Variants in PPP1R21 observed in about 807,000 individuals in gnomAD.
PPP1R21 encodes protein phosphatase 1 regulatory subunit 21.
PPP1R21 carries 85 observed loss-of-function variants against 112.8 expected under a neutral mutation model. The observed-to-expected ratio is 0.75, with a 90% confidence interval of 0.63 to 0.90. PPP1R21 has a LOEUF of 0.90. Ranked by LOEUF, PPP1R21 falls within the 40% of genes least tolerant of loss-of-function variation. The pLI is 0.00. For missense variants in PPP1R21, 1,199 were observed against 901.5 expected, an observed-to-expected ratio of 1.33 and a Z score of -4.23; for synonymous variants, 381 against 322.3, an observed-to-expected ratio of 1.18 and a Z score of -1.95.
Position 48,479,960 on chromosome 2 carries a change from G to A in PPP1R21, c.1262G>A (p.Ser421Asn). ...GATGGACTCCTTCGGACAAACTACA[G>A]TTCTGTGTTAACAAATGTTGGTGCT... Reference protein sequence around the residue: ...EPDGLLRTNYSSVLTNVGAAL... With the variant: ...EPDGLLRTNYNSVLTNVGAAL... The change falls in exon 13 of 22, where the codon AGT becomes AAT. Residue 421 changes from serine (S) to asparagine (N), a missense_variant. By Grantham distance (46) the Ser-to-Asn change is conservative (BLOSUM62 1). Coordinates refer to ENST00000294952, the MANE Select transcript of PPP1R21 (RefSeq NM_001135629.3). 1 of 1,613,354 alleles carries A rather than the reference G, an allele frequency of 6.2e-7. No individual in the cohort carries two copies. Among genetic ancestry groups the A allele is most frequent in the Non-Finnish European group, 8.5e-7 (1 of 1,179,306 alleles).
chr2:48,495,675 A>T lies in PPP1R21; in HGVS notation c.1600-4A>T. 3 of 1,565,554 alleles carry T rather than the reference A, an allele frequency of 1.9e-6. No individual in the cohort carries two copies. The highest frequency in any genetic ancestry group is 2.6e-6 in the Non-Finnish European group (3 of 1,136,120). ...CTTTAATTCTTATGATGCTTTTATCATAGCCCCTCTTGGAGTCTGTGCCTT... is the reference window on the plus strand; with the variant it reads ...CTTTAATTCTTATGATGCTTTTATCTTAGCCCCTCTTGGAGTCTGTGCCTT... On this transcript the variant is annotated splice_polypyrimidine_tract_variant and splice_region_variant and intron_variant, in intron 15 of 21. Coordinates refer to ENST00000294952, the MANE Select transcript of PPP1R21 (RefSeq NM_001135629.3).
chr2:48,502,799 G>C (rs1331990948), intron 17 of PPP1R21, among the ~76,000 whole-genome samples: 1 of 149,192 alleles, frequency 6.7e-6, no homozygotes, highest in East Asian at 2.0e-4. Context: ...TCCTGCCTCA[G>C]GCTTCCAAGT....
Position 48,483,251 on chromosome 2 carries a change from A to G in PPP1R21, c.1318+3235A>G, listed in dbSNP as rs1040383216. Among the ~76,000 whole-genome samples the G allele has an allele frequency of 6.3e-5, 7 of 110,622 alleles. No individual in the cohort carries two copies. In the East Asian group the frequency reaches 2.1e-3, roughly 33 times the overall value. 72.6% of individuals were successfully genotyped at this position (110,622 alleles called of 152,430 possible). A position where few individuals can be genotyped will look rare whatever the true frequency, so the allele number is the denominator to read the frequency against. On this transcript the variant is annotated intron_variant, in intron 13 of 21. Transcript: ENST00000294952. ...AGTCTCACTCTGTCACCCAGGCTGG[A>G]GTGCAGTGCAACCTTTCCCTCCCAG...
chr2:48,504,257 C>G (rs1014879229), intron 17 of PPP1R21, among the ~76,000 whole-genome samples: 1 of 152,152 alleles, frequency 6.6e-6, no homozygotes, highest in African/African-American at 2.4e-5. Context: ...CTTTTACAGC[C>G]AGGTGGGCAT....
At chr2:48,507,582 T>C (rs1456102366) in intron 19 of PPP1R21, among the ~76,000 whole-genome samples, 197 bp downstream of exon 19, 1 of 151,988 alleles carries the variant, frequency 6.6e-6, no homozygotes, top group Non-Finnish European at 1.5e-5. Context: ...TTAGCCAGAA[T>C]GGTATCGATC....
Position 48,498,714 on chromosome 2 carries a change from G to A in PPP1R21, c.1914G>A (p.Glu638=). The A allele has an allele frequency of 1.9e-6, 3 of 1,614,202 alleles. No individual in the cohort carries two copies. Among genetic ancestry groups the A allele is most frequent in the Non-Finnish European group, 2.5e-6 (3 of 1,180,032 alleles). ...QDEATAKAVL[E]PIQSTSLIGT... ...AAGCCACAGCTAAGGCTGTGTTGGA[G>A]CCCATTCAGAGCACCAGTCTAGTAA... Residue 638 remains glutamate (E), a synonymous_variant, in exon 17 of 22, where the codon GAG becomes GAA. Transcript: ENST00000294952.
At chr2:48,441,065 CG>C in intron 1 of PPP1R21, 55 bp downstream of exon 1, 2 of 1,329,646 alleles carry the variant, frequency 1.5e-6, no homozygotes, top group Non-Finnish European at 2.2e-6. Context: ...CTCAGGTTGC[CG>C]TGGCAGCGAC....
At chr2:48,490,236 A>C (rs931101968) in intron 14 of PPP1R21, among the ~76,000 whole-genome samples, 1 of 150,978 alleles carries the variant, frequency 6.6e-6, no homozygotes, top group Non-Finnish European at 1.5e-5. Flanking sequence ...AAAAAAAAAA[A>C]AAAGAAAGAA....
At chr2:48,480,983 A>G (rs1037556306) in intron 13 of PPP1R21, among the ~76,000 whole-genome samples, 2 of 152,114 alleles carry the variant, frequency 1.3e-5, no homozygotes, top group Non-Finnish European at 2.9e-5. Flanking sequence ...GTATTCAATT[A>G]TAAGGAACTT....
At chr2:48,452,426 G>A (rs1390069692) in intron 2 of PPP1R21, among the ~76,000 whole-genome samples, 1 of 152,072 alleles carries the variant, frequency 6.6e-6, no homozygotes, top group Admixed American at 6.5e-5. Flanking sequence ...GGAGTTTAGC[G>A]AAAGGCTGGG....
chr2:48,479,751 A>G (rs1179142178), intron 12 of PPP1R21, among the ~76,000 whole-genome samples, 173 bp from the exon 13 acceptor site: 1 of 152,208 alleles, frequency 6.6e-6, no homozygotes, highest in East Asian at 1.9e-4. Flanking sequence ...AATCATTTAG[A>G]TGTGCTTATG....
intron 11 of PPP1R21, among the ~76,000 whole-genome samples, chr2:48,472,585 C>G (rs905030387): frequency 2.0e-5 from 3 of 151,424 alleles, no homozygotes; most frequent in African/African-American, 7.3e-5. Flanking sequence ...AAGGTCACAT[C>G]ACTGCACTCC....
chr2:48,511,852 CAG>C (rs1176697874), intron 21 of PPP1R21, among the ~76,000 whole-genome samples: 6 of 151,834 alleles, frequency 4.0e-5, no homozygotes, highest in Non-Finnish European at 8.8e-5. Flanking sequence ...GCCTGTGCGA[CAG>C]AGTGAGACTC....
chr2:48,459,987 T>G, intron 5 of PPP1R21, 69 bp downstream of exon 5: 1 of 1,591,018 alleles, frequency 6.3e-7, no homozygotes, highest in East Asian at 2.3e-5. Context: ...GTCTATCCAC[T>G]TAGAGTTAGT....
chr2:48,470,596 A>G (rs760723984), intron 9 of PPP1R21, among the ~76,000 whole-genome samples: 2 of 152,078 alleles, frequency 1.3e-5, no homozygotes, highest in African/African-American at 2.4e-5. Context: ...CAAATATCGT[A>G]TACATTAAAA....
chr2:48,487,488 T>C (rs879684512), intron 14 of PPP1R21, among the ~76,000 whole-genome samples: 7 of 152,088 alleles, frequency 4.6e-5, no homozygotes, highest in Non-Finnish European at 1.0e-4. Flanking sequence ...ATAAGCCAGG[T>C]GCTGTGGCTC....
At chr2:48,468,611 A>G (rs1572850923) in intron 9 of PPP1R21, among the ~76,000 whole-genome samples, 1 of 152,160 alleles carries the variant, frequency 6.6e-6, no homozygotes. Flanking sequence ...TCAGGAGTTC[A>G]AGACCAGCCT....
At chr2:48,474,876 G>C in intron 12 of PPP1R21, 57 bp downstream of exon 12, 1 of 1,484,394 alleles carries the variant, frequency 6.7e-7, no homozygotes, top group African/African-American at 1.4e-5. Flanking sequence ...ACAAGAAGCT[G>C]GAAAAGGGAG....
chr2:48,442,307 TAAG>T (rs1290881127), intron 1 of PPP1R21, among the ~76,000 whole-genome samples: 3 of 152,028 alleles, frequency 2.0e-5, no homozygotes, highest in African/African-American at 7.2e-5. Flanking sequence ...AAGAAAAAAA[TAAG>T]AAAATGTTTC....
Sources: gnomAD v4.1 joint callset for allele counts (sites outside exome capture counted in the v4.1 genomes callset) on GRCh38, gnomAD v4.1.1 for gene constraint, MANE v1.5 for transcripts, NCBI Gene and HGNC (gene_info 2026-07-23, HGNC 2026-07-21) for gene names.